Variants in SUGCT observed in about 807,000 individuals in gnomAD.
SUGCT encodes succinyl-CoA:glutarate CoA-transferase.
SUGCT carries 41 observed loss-of-function variants against 55.0 expected under a neutral mutation model. The ratio of observed to expected loss-of-function variants is 0.74; its 90% CI spans 0.58 to 0.97. The LOEUF is 0.97. Ranked by LOEUF, SUGCT falls within the 50% of genes least tolerant of loss-of-function variation. The probability of loss-of-function intolerance (pLI) is 0.00; values close to 1 mark genes in which losing one functional copy is unlikely to be tolerated. For synonymous variants in SUGCT, 187 were observed against 200.4 expected (o/e 0.93, Z 0.56); for missense variants, 568 against 547.8 (o/e 1.04, Z -0.37).
chr7:40,872,870 CTT>C, the SUGCT span, among the ~76,000 whole-genome samples: 1 of 152,182 alleles, frequency 6.6e-6, no homozygotes, highest in Non-Finnish European at 1.5e-5. Flanking sequence ...CTTCCTAACT[CTT>C]TGATGTACAC....
At chr7:40,268,764 G>A (rs954720946) in intron 7 of SUGCT, among the ~76,000 whole-genome samples, 12 of 152,036 alleles carry the variant, frequency 7.9e-5, no homozygotes, top group African/African-American at 2.7e-4. Flanking sequence ...TCAGACTCCT[G>A]AGTAGTTGGG....
intron 9 of SUGCT, among the ~76,000 whole-genome samples, chr7:40,416,560 A>T (rs759143760): frequency 6.6e-6 from 1 of 151,902 alleles, no homozygotes; most frequent in African/African-American, 2.4e-5. Context: ...TAAGGTTTCA[A>T]TGTAATGAAT....
chr7:41,014,161 G>A, the SUGCT span, among the ~76,000 whole-genome samples: 1 of 152,196 alleles, frequency 6.6e-6, no homozygotes, highest in Non-Finnish European at 1.5e-5. Flanking sequence ...CTGAGGTGGA[G>A]TGGGTGAGGG....
intron 10 of SUGCT, among the ~76,000 whole-genome samples, chr7:40,450,399 T>A (rs1562786864): frequency 6.6e-6 from 1 of 151,866 alleles, no homozygotes; most frequent in Non-Finnish European, 1.5e-5. Context: ...CCTTACCTGT[T>A]AAGGATTTTT....
At chr7:40,985,070 T>C in the SUGCT span, among the ~76,000 whole-genome samples, 1 of 152,222 alleles carries the variant, frequency 6.6e-6, no homozygotes, top group African/African-American at 2.4e-5. Flanking sequence ...TAATAACCCT[T>C]GATGTTCTCT....
chr7:40,662,610 G>A (rs2151856553), intron 12 of SUGCT, among the ~76,000 whole-genome samples: 1 of 152,108 alleles, frequency 6.6e-6, no homozygotes. Flanking sequence ...TTTTGATTTG[G>A]AATGCTCTTT....
chr7:40,866,108 A>G, the SUGCT span, among the ~76,000 whole-genome samples: 1 of 152,164 alleles, frequency 6.6e-6, no homozygotes, highest in East Asian at 1.9e-4. Context: ...AGTACTCACC[A>G]TAAAACAGGA....
the SUGCT span, among the ~76,000 whole-genome samples, chr7:40,928,248 ATCCAC>A: frequency 5.9e-5 from 9 of 152,002 alleles, no homozygotes; most frequent in African/African-American, 1.7e-4. Flanking sequence ...CTTTTTCAAC[ATCCAC>A]TCCATTTCTT....
chr7:40,266,095 A>C (rs1451730440), intron 7 of SUGCT, among the ~76,000 whole-genome samples: 1 of 152,048 alleles, frequency 6.6e-6, no homozygotes, highest in Non-Finnish European at 1.5e-5. Context: ...CAAAATTATC[A>C]ATTTTTAAAG....
chr7:40,404,787 A>T (rs1289273272), intron 9 of SUGCT, among the ~76,000 whole-genome samples: 3 of 152,100 alleles, frequency 2.0e-5, no homozygotes, highest in Non-Finnish European at 4.4e-5. Flanking sequence ...ATTTTGATCC[A>T]TATTTTGATA....
the SUGCT span, among the ~76,000 whole-genome samples, chr7:41,014,818 A>G: frequency 6.6e-6 from 1 of 152,204 alleles, no homozygotes; most frequent in Non-Finnish European, 1.5e-5. Flanking sequence ...TTACCAATAG[A>G]TTGAGGAATA....
intron 12 of SUGCT, among the ~76,000 whole-genome samples, chr7:40,549,645 A>G (rs1366643843): frequency 1.3e-5 from 2 of 152,250 alleles, no homozygotes; most frequent in African/African-American, 2.4e-5. Context: ...GGAAAGATTC[A>G]TTGAGAAAAA....
intron 11 of SUGCT, among the ~76,000 whole-genome samples, chr7:40,481,603 G>T (rs1791046528): frequency 6.6e-6 from 1 of 151,906 alleles, no homozygotes; most frequent in African/African-American, 2.4e-5. Flanking sequence ...ACATTTATAA[G>T]AAAATAATAA....
At chr7:40,534,383 C>A (rs1039681611) in intron 12 of SUGCT, among the ~76,000 whole-genome samples, 5 of 152,028 alleles carry the variant, frequency 3.3e-5, no homozygotes, top group Non-Finnish European at 7.4e-5. Flanking sequence ...ATAATTAGTT[C>A]TTAATTTCTT....
chr7:40,202,307 A>G (rs1319443654), intron 6 of SUGCT, among the ~76,000 whole-genome samples: 1 of 152,154 alleles, frequency 6.6e-6, no homozygotes, highest in Non-Finnish European at 1.5e-5. Context: ...TGTTCAGTCC[A>G]GTCTAATATC....
the SUGCT span, among the ~76,000 whole-genome samples, chr7:40,950,421 C>T: frequency 6.6e-6 from 1 of 152,324 alleles, no homozygotes; most frequent in East Asian, 1.9e-4. Context: ...ATTTGACTTC[C>T]TCTTTTCCTA....
intron 12 of SUGCT, chr7:40,499,359 G>C (rs1333111814): frequency 1.1e-5 from 2 of 183,378 alleles, no homozygotes; most frequent in African/African-American, 4.8e-5. Flanking sequence ...TTTGAACTTG[G>C]AGACAACAAA....
In SUGCT at chr7:40,188,517, T is replaced by G; in HGVS notation, c.249T>G (p.Thr83=). The change falls in exon 4 of 14, where the codon ACT becomes ACG. Residue 83 remains threonine (T), a synonymous_variant. Coordinates refer to ENST00000335693, the MANE Select transcript of SUGCT (RefSeq NM_001193313.2). ...CAGGAGCTGGTGATGATACACGAAC[T>G]TGGGGGCCACCTTTTGTTGGGACAG... ...ERPGAGDDTR[T]WGPPFVGTES... The G allele has an allele frequency of 1.2e-6, 2 of 1,609,278 alleles. No homozygotes were observed. The highest frequency in any genetic ancestry group is 1.7e-6 in the Non-Finnish European group (2 of 1,178,396).
chr7:40,254,554 C>G (rs568423063), intron 7 of SUGCT, among the ~76,000 whole-genome samples: 1 of 151,798 alleles, frequency 6.6e-6, no homozygotes, highest in African/African-American at 2.4e-5. Flanking sequence ...CCACCACACC[C>G]AGCTAATTTT....
Sources: allele counts gnomAD v4.1 joint callset (sites outside exome capture counted in the v4.1 genomes callset), GRCh38; gene constraint gnomAD v4.1.1; transcripts MANE v1.5; gene names NCBI Gene and HGNC (gene_info 2026-07-23, HGNC 2026-07-21).